PHF20: variants seen among roughly 807,000 people sequenced by gnomAD.
The protein encoded by PHF20 is PHD finger protein 20.
In PHF20, 23 loss-of-function variants were observed where a neutral mutation model predicts 113.5. That is an observed-to-expected ratio of 0.20 (90% CI 0.15 to 0.29). The LOEUF is 0.29. PHF20 is among the 10% of genes least tolerant of loss of function. PHF20 has a pLI of 1.00. For synonymous variants in PHF20, 434 were observed against 457.3 expected (o/e 0.95, Z 0.65); for missense variants, 943 against 1,219.6 (o/e 0.77, Z 3.38).
chr20:35,916,297 A>G (rs912638672), intron 12 of PHF20, among the ~76,000 whole-genome samples: 1 of 152,238 alleles, frequency 6.6e-6, no homozygotes, highest in Non-Finnish European at 1.5e-5. Flanking sequence ...ATATCTGTGA[A>G]GTGCAATAAA....
chr20:35,839,408 A>G (rs2042502992), intron 2 of PHF20, among the ~76,000 whole-genome samples: 4 of 150,268 alleles, frequency 2.7e-5, no homozygotes, highest in African/African-American at 2.4e-5. Context: ...AAAAAAAAAA[A>G]AAAGAAAGTG....
chr20:35,778,773 T>C (rs2041225397), intron 1 of PHF20, among the ~76,000 whole-genome samples: 1 of 150,990 alleles, frequency 6.6e-6, no homozygotes, highest in Non-Finnish European at 1.5e-5. Context: ...AAAAAAAAAT[T>C]GAACCCTTAA....
At chr20:35,789,439 A>C (rs1342877242) in intron 1 of PHF20, among the ~76,000 whole-genome samples, 18 of 147,424 alleles carry the variant, frequency 1.2e-4, no homozygotes, top group South Asian at 4.2e-4. Context: ...AAAAAAAAAA[A>C]AAAAACAAAA....
chr20:35,812,059 C>T (rs1170578163), intron 2 of PHF20, among the ~76,000 whole-genome samples: 1 of 152,192 alleles, frequency 6.6e-6, no homozygotes, highest in Non-Finnish European at 1.5e-5. Context: ...AGGCATGAGC[C>T]ACAGCGCCCG....
intron 9 of PHF20, among the ~76,000 whole-genome samples, chr20:35,887,415 G>T (rs1302038566): frequency 1.3e-5 from 2 of 152,166 alleles, no homozygotes; most frequent in African/African-American, 4.8e-5. Context: ...ACTGGGGAGG[G>T]TTTCAGGCTT....
intron 2 of PHF20, among the ~76,000 whole-genome samples, chr20:35,805,473 C>G (rs2041864521): frequency 6.6e-6 from 1 of 151,236 alleles, no homozygotes; most frequent in Non-Finnish European, 1.5e-5. Context: ...AGCTCCGCCT[C>G]CCGGGTTCAC....
intron 10 of PHF20, among the ~76,000 whole-genome samples, chr20:35,907,746 T>C (rs2055226579): frequency 6.6e-6 from 1 of 152,224 alleles, no homozygotes; most frequent in African/African-American, 2.4e-5. Context: ...TGATACTTGG[T>C]TTATGGCCAA....
intron 3 of PHF20, among the ~76,000 whole-genome samples, chr20:35,843,273 A>C (rs571784453): frequency 1.3e-3 from 196 of 151,678 alleles, no homozygotes; most frequent in African/African-American, 4.4e-3. Flanking sequence ...TAATCCCAGC[A>C]CTTTGGGAGG....
intron 14 of PHF20, among the ~76,000 whole-genome samples, chr20:35,929,574 T>C (rs955775230): frequency 1.3e-5 from 2 of 152,284 alleles, no homozygotes; most frequent in African/African-American, 4.8e-5. Flanking sequence ...CTGCAGCAGC[T>C]GCCTCTGGGG....
intron 4 of PHF20, among the ~76,000 whole-genome samples, chr20:35,854,343 T>C (rs112709003): frequency 0.011 from 1,711 of 152,194 alleles, 22 homozygotes; most frequent in African/African-American, 0.038. Flanking sequence ...CTTGAGGGAG[T>C]CTGAGGCAGG....
chr20:35,878,531 A>G lies in PHF20; in HGVS notation c.1282+6702A>G, dbSNP rs1421782148. The G allele has an allele frequency of 4.5e-6, 3 of 665,566 alleles. No homozygotes were observed. The African/African-American group carries it at 5.5e-5, about 12-fold the overall frequency. 41.2% of individuals were successfully genotyped at this position (665,566 alleles called of 1,614,324 possible). A position where few individuals can be genotyped will look rare whatever the true frequency, so the allele number is the denominator to read the frequency against. On this transcript the variant is annotated intron_variant, in intron 9 of 17. Coordinates refer to ENST00000374012, the MANE Select transcript of PHF20 (RefSeq NM_016436.5). The stretch of plus-strand genomic sequence containing the variant: ...GGGATCCAAACTTATTCAAAAAGCT[A>G]AAGAGGCACCATTCGTACTTGTTGG...
At position 35,847,908 on chromosome 20, in the gene PHF20, T is replaced by G. The variant is rs933210961; in HGVS notation, c.340+474T>G. Among the ~76,000 whole-genome samples, 3 of 152,216 alleles carry G rather than the reference T, an allele frequency of 2.0e-5. No individual in the cohort carries two copies. The East Asian group carries it at 5.8e-4, about 29-fold the overall frequency. On this transcript the variant is annotated intron_variant, in intron 4 of 17. Coordinates refer to ENST00000374012, the MANE Select transcript of PHF20 (RefSeq NM_016436.5). The stretch of plus-strand genomic sequence containing the variant: ...ATTTAGAGCACTGAGTTGGGTTTCA[T>G]TTGCCAGAGTTGAACATGTGAAGAG...
chr20:35,801,376 G>C, intron 1 of PHF20, 115 bp from the exon 2 acceptor site: 1 of 571,688 alleles, frequency 1.7e-6, no homozygotes, highest in South Asian at 2.1e-5. Context: ...ACACCAACAG[G>C]GTTTCATGGA....
intron 12 of PHF20, among the ~76,000 whole-genome samples, chr20:35,916,608 A>G (rs1477472095): frequency 6.7e-6 from 1 of 150,084 alleles, no homozygotes; most frequent in African/African-American, 2.5e-5. Context: ...CTGGGATTAC[A>G]GGCGCACACC....
At chr20:35,849,487 G>C (rs962993468) in intron 4 of PHF20, 1 of 469,458 alleles carries the variant, frequency 2.1e-6, no homozygotes, top group Non-Finnish European at 4.4e-6. Context: ...AATCATGGTA[G>C]GCACCTGTCT....
chr20:35,835,949 GATAAA>G (rs1242621372), intron 2 of PHF20, among the ~76,000 whole-genome samples: 1 of 152,018 alleles, frequency 6.6e-6, no homozygotes, highest in Non-Finnish European at 1.5e-5. Flanking sequence ...AATAAAATAA[GATAAA>G]ATAAAAGAGA....
At chr20:35,873,458 GTTTTTTTGTTTTTTT>G in intron 9 of PHF20, among the ~76,000 whole-genome samples, 1 of 114,592 alleles carries the variant, frequency 8.7e-6, no homozygotes. Context: ...TGTTTTGTCT[GTTTTTTTGTTTTTTT>G]TTTTTTTTTT....
chr20:35,939,231 A>G (rs1600971970), intron 16 of PHF20, 123 bp downstream of exon 16: 2 of 1,210,388 alleles, frequency 1.7e-6, no homozygotes, highest in East Asian at 5.4e-5. Context: ...TGCTTACCAT[A>G]GATATGTTTT....
In PHF20 at chr20:35,913,180, A is replaced by C. The variant is rs1339998369; in HGVS notation, c.1562-69A>C. ...CCAGACCCATCGGACATGCTTGCTT[A>C]GGAGAAGAATAAGCACCCCAGCATT... On this transcript the variant is annotated intron_variant, in intron 10 of 17. Transcript: ENST00000374012. 3 of 1,039,552 alleles carry C rather than the reference A, an allele frequency of 2.9e-6. No individual in the cohort carries two copies. The Admixed American group carries it at 5.9e-5, about 21-fold the overall frequency. The allele number at this position is 1,039,552 out of a possible 1,614,324, so 64.4% of individuals were successfully genotyped here. A position where few individuals can be genotyped will look rare whatever the true frequency, so the allele number is the denominator to read the frequency against.
Sources: gnomAD v4.1 joint callset for allele counts (sites outside exome capture counted in the v4.1 genomes callset) on GRCh38, gnomAD v4.1.1 for gene constraint, MANE v1.5 for transcripts, NCBI Gene and HGNC (gene_info 2026-07-23, HGNC 2026-07-21) for gene names.